RBPMS2: variants seen among roughly 807,000 people sequenced by gnomAD.
RBPMS2 encodes the protein RNA binding protein, mRNA processing factor 2.
RBPMS2 carries 14 observed loss-of-function variants against 25.7 expected under a neutral mutation model. The ratio of observed to expected loss-of-function variants is 0.55; its 90% CI spans 0.36 to 0.85. The LOEUF is 0.85. Ranked by LOEUF, RBPMS2 falls within the 40% of genes least tolerant of loss-of-function variation. The pLI is 0.01. For synonymous variants in RBPMS2, 127 were observed against 115.6 expected (o/e 1.10, Z -0.63); for missense variants, 252 against 283.4 (o/e 0.89, Z 0.80).
chr15:64,741,789 T>C (rs1333224961), intron 6 of RBPMS2, among the ~76,000 whole-genome samples: 1 of 152,116 alleles, frequency 6.6e-6, no homozygotes, highest in East Asian at 1.9e-4. Context: ...ATCCCAACAC[T>C]TTGGGAAGCT....
At chr15:64,773,252 C>G (rs201590942) in intron 1 of RBPMS2, among the ~76,000 whole-genome samples, 1 of 152,216 alleles carries the variant, frequency 6.6e-6, no homozygotes, top group African/African-American at 2.4e-5. Context: ...CAGCCTACAC[C>G]ACCAATCCAA....
chr15:64,775,073 C>A (rs1366356912), intron 1 of RBPMS2, among the ~76,000 whole-genome samples, 160 bp downstream of exon 1: 1 of 150,786 alleles, frequency 6.6e-6, no homozygotes, highest in Non-Finnish European at 1.5e-5. Context: ...CTCCCGCCCG[C>A]GGACACGGGC....
Position 64,740,980 on chromosome 15 carries a change from C to G in RBPMS2, c.*28G>C. 9.5e-6 allele frequency: 5 copies of G among 527,074 alleles called. No individual in the cohort carries two copies. Among genetic ancestry groups the G allele is most frequent in the South Asian group, 8.9e-5 (4 of 45,114 alleles). The allele number at this position is 527,074 out of a possible 1,614,324, so 32.6% of individuals were successfully genotyped here. A position where few individuals can be genotyped will look rare whatever the true frequency, so the allele number is the denominator to read the frequency against. ...CCGGCACCACCACAGATTACCAGAACCACCTCCCCGGTGACCAGACCTGGA... is the reference window on the plus strand; with the variant it reads ...CCGGCACCACCACAGATTACCAGAAGCACCTCCCCGGTGACCAGACCTGGA... On this transcript the variant is annotated 3_prime_UTR_variant, in exon 8 of 8. Transcript: ENST00000300069.
At chr15:64,759,971 C>T (rs2083768597) in intron 1 of RBPMS2, among the ~76,000 whole-genome samples, 1 of 152,216 alleles carries the variant, frequency 6.6e-6, no homozygotes, top group Admixed American at 6.5e-5. Flanking sequence ...CCGCGCCAGG[C>T]CTACTCGGCC....
chr15:64,741,259 C>T lies in RBPMS2; in HGVS notation c.568-17G>A, dbSNP rs927501019. 1.0e-5 allele frequency: 16 copies of T among 1,577,806 alleles called. No individual in the cohort carries two copies. In the Admixed American group the frequency reaches 1.3e-4, roughly 13 times the overall value. On this transcript the variant is annotated splice_polypyrimidine_tract_variant and intron_variant, in intron 6 of 7. Coordinates refer to ENST00000300069, the MANE Select transcript of RBPMS2 (RefSeq NM_194272.3). ...CCAGCGCACCTGCAAGAGAAGCCAA[C>T]GTCAGGAGCCAGCTGTGCATCCCTT...
intron 1 of RBPMS2, among the ~76,000 whole-genome samples, chr15:64,757,475 T>C (rs1465972596): frequency 3.9e-5 from 6 of 152,304 alleles, no homozygotes; most frequent in Middle Eastern, 3.4e-3. Flanking sequence ...TAGGATGTCC[T>C]AAGGTGGTCA....
At chr15:64,760,164 C>T (rs758599823) in intron 1 of RBPMS2, among the ~76,000 whole-genome samples, 13 of 152,142 alleles carry the variant, frequency 8.5e-5, no homozygotes, top group Non-Finnish European at 1.6e-4. Context: ...GGAATGGGCT[C>T]GTGGGGGAGA....
chr15:64,775,110 G>C (rs1016584740), intron 1 of RBPMS2, 123 bp downstream of exon 1: 1 of 431,548 alleles, frequency 2.3e-6, no homozygotes, highest in South Asian at 1.1e-4. Flanking sequence ...AGAGGGCAGC[G>C]GCGGGAAGGC....
chr15:64,772,639 T>C (rs991934635), intron 1 of RBPMS2, among the ~76,000 whole-genome samples: 1 of 152,126 alleles, frequency 6.6e-6, no homozygotes, highest in East Asian at 1.9e-4. Context: ...CACTTATACA[T>C]GCGACTCCCT....
intron 1 of RBPMS2, among the ~76,000 whole-genome samples, chr15:64,763,641 G>A (rs760601960): frequency 4.6e-5 from 7 of 152,196 alleles, no homozygotes; most frequent in Non-Finnish European, 7.3e-5. Flanking sequence ...TGAGCAACAG[G>A]TAGAACAGGT....
At chr15:64,745,579 T>C (rs59115570) in intron 6 of RBPMS2, among the ~76,000 whole-genome samples, 4,060 of 152,266 alleles carry the variant, frequency 0.027, 177 homozygotes, top group African/African-American at 0.093. Context: ...TGAAATCCAG[T>C]CTGGGAGGAC....
chr15:64,750,231 G>A (rs771353325), intron 3 of RBPMS2, 112 bp downstream of exon 3: 12 of 930,186 alleles, frequency 1.3e-5, no homozygotes, highest in South Asian at 2.6e-5. Context: ...AACAGGGAGC[G>A]CAAGTCTGTA....
At chr15:64,756,995 T>C (rs933318818) in intron 1 of RBPMS2, among the ~76,000 whole-genome samples, 10 of 125,612 alleles carry the variant, frequency 8.0e-5, no homozygotes, top group African/African-American at 3.0e-4. Context: ...TTTTTGGAAA[T>C]GGAGTCTCGG....
intron 6 of RBPMS2, among the ~76,000 whole-genome samples, chr15:64,745,985 G>A (rs942877533): frequency 7.0e-4 from 106 of 152,134 alleles, no homozygotes; most frequent in East Asian, 1.9e-4. Flanking sequence ...TGGTCTTTTG[G>A]GTTCAAAACA....
chr15:64,741,104 A>T (rs1342400391), intron 7 of RBPMS2, 69 bp downstream of exon 7: 1 of 1,220,330 alleles, frequency 8.2e-7, no homozygotes, highest in African/African-American at 1.5e-5. Flanking sequence ...GGGCAGAGGG[A>T]GGAACTACGG....
Position 64,775,268 on chromosome 15 carries a change from A to C in RBPMS2, c.52T>G (p.Ser18Ala). The change falls in exon 1 of 8, where the codon TCC becomes GCC. Residue 18 changes from serine (S) to alanine (A), a missense_variant. Transcript: ENST00000300069. The part of the protein sequence containing the change: ...GEHGGSTGTG[S>A]GAGSGGALEE... ...AGGGCGCCGCCGGAGCCCGCGCCGG[A>C]GCCGGTGCCGGTGCTGCCGCCGTGC... 1 of 1,340,410 alleles carries C rather than the reference A, an allele frequency of 7.5e-7. No homozygotes were observed. Among genetic ancestry groups the C allele is most frequent in the Non-Finnish European group, 9.6e-7 (1 of 1,039,124 alleles). The allele number at this position is 1,340,410 out of a possible 1,614,324, so 83.0% of individuals were successfully genotyped here.
At chr15:64,747,877 G>T (rs1426439575) in intron 6 of RBPMS2, among the ~76,000 whole-genome samples, 2 of 152,196 alleles carry the variant, frequency 1.3e-5, no homozygotes, top group Non-Finnish European at 2.9e-5. Flanking sequence ...CTTCATGGAA[G>T]CGAGAGCCAA....
chr15:64,763,774 G>A (rs764440959), intron 1 of RBPMS2, among the ~76,000 whole-genome samples: 54 of 150,020 alleles, frequency 3.6e-4, no homozygotes, highest in Non-Finnish European at 7.0e-4. Context: ...CTCATAATGT[G>A]CAATGTGTCC....
chr15:64,743,242 C>G (rs1280596023), intron 6 of RBPMS2, among the ~76,000 whole-genome samples: 2 of 152,236 alleles, frequency 1.3e-5, no homozygotes, highest in Admixed American at 1.3e-4. Context: ...ACCTCTTTCA[C>G]CACTGGGAAG....
Sources: allele counts gnomAD v4.1 joint callset (sites outside exome capture counted in the v4.1 genomes callset), GRCh38; gene constraint gnomAD v4.1.1; transcripts MANE v1.5; gene names NCBI Gene and HGNC (gene_info 2026-07-23, HGNC 2026-07-21).